ZNF704: variants seen among roughly 807,000 people sequenced by gnomAD.
ZNF704 encodes the protein zinc finger protein 704.
ZNF704 carries 10 observed loss-of-function variants against 44.7 expected under a neutral mutation model. The observed-to-expected ratio is 0.22, with a 90% CI of 0.14 to 0.38. The LOEUF is 0.38. Among genes scored for constraint, ZNF704 ranks in the 10% least tolerant of loss-of-function variants. The probability of loss-of-function intolerance (pLI) is 1.00; values close to 1 mark genes in which losing one functional copy is unlikely to be tolerated. For missense variants in ZNF704, 390 were observed against 545.5 expected (o/e 0.71, Z 2.84); for synonymous variants, 211 against 207.6 (o/e 1.02, Z -0.14).
At chr8:80,829,250 T>C (rs1415545686) in intron 1 of ZNF704, among the ~76,000 whole-genome samples, 1 of 152,202 alleles carries the variant, frequency 6.6e-6, no homozygotes, top group East Asian at 1.9e-4. Flanking sequence ...AGGACAAGTA[T>C]GTTAAACATC....
At chr8:80,677,168 C>T (rs929845212) in intron 4 of ZNF704, among the ~76,000 whole-genome samples, 1 of 152,126 alleles carries the variant, frequency 6.6e-6, no homozygotes, top group Non-Finnish European at 1.5e-5. Flanking sequence ...AATTATTGTA[C>T]GACATATAAA....
intron 2 of ZNF704, among the ~76,000 whole-genome samples, chr8:80,796,610 C>G (rs1807804964): frequency 6.6e-6 from 1 of 152,168 alleles, no homozygotes; most frequent in Non-Finnish European, 1.5e-5. Context: ...AGGATCAACT[C>G]AAAAGTCCAA....
At chr8:80,759,855 C>T (rs1168457229) in intron 2 of ZNF704, among the ~76,000 whole-genome samples, 1 of 151,992 alleles carries the variant, frequency 6.6e-6, no homozygotes, top group Non-Finnish European at 1.5e-5. Flanking sequence ...TCCTGGTTTC[C>T]ATCAGTCCTC....
chr8:80,647,389 G>A (rs1386132655), intron 7 of ZNF704, among the ~76,000 whole-genome samples: 1 of 152,200 alleles, frequency 6.6e-6, no homozygotes, highest in Non-Finnish European at 1.5e-5. Flanking sequence ...GAAGTATCAA[G>A]CTATGCCTCT....
At position 80,874,544 on chromosome 8, in the gene ZNF704, C is replaced by G. The variant is rs1372698014; in HGVS notation, c.-22+27G>C. 1.3e-5 allele frequency: 2 copies of G among 152,042 alleles called. No homozygotes were observed. Among genetic ancestry groups the G allele is most frequent in the African/African-American group, 2.4e-5 (1 of 41,420 alleles). 9.4% of individuals were successfully genotyped at this position (152,042 alleles called of 1,614,324 possible). A position where few individuals can be genotyped will look rare whatever the true frequency, so the allele number is the denominator to read the frequency against. On this transcript the variant is annotated intron_variant, in intron 1 of 8. Coordinates refer to ENST00000327835, the MANE Select transcript of ZNF704 (RefSeq NM_001033723.3). This position sits in a 1 kb window ranked among gnomAD's most constrained non-coding sequence, Gnocchi z 4.4. ...TCCGGTCCCCCCGCTCAGACAAAAC[C>G]CGGACTGGATTTTTTTTTTCTCTTA...
intron 4 of ZNF704, among the ~76,000 whole-genome samples, chr8:80,677,608 A>T (rs1302880303): frequency 1.3e-5 from 2 of 152,202 alleles, no homozygotes; most frequent in Non-Finnish European, 1.5e-5. Flanking sequence ...CCCAAAGAAA[A>T]TTAGGTAATG....
At chr8:80,738,715 T>G (rs1806706927) in intron 2 of ZNF704, among the ~76,000 whole-genome samples, 1 of 152,218 alleles carries the variant, frequency 6.6e-6, no homozygotes, top group Non-Finnish European at 1.5e-5. Flanking sequence ...GGTATCTTGT[T>G]GAATATTGTT....
chr8:80,821,656 TC>T, intron 1 of ZNF704, 41 bp from the exon 2 acceptor site: 1 of 1,515,208 alleles, frequency 6.6e-7, no homozygotes, highest in Non-Finnish European at 9.1e-7. Flanking sequence ...ACATAAAACA[TC>T]ACCTTTGTAC....
chr8:80,641,108 G>T lies in ZNF704; in HGVS notation c.*258C>A. 1 of 275,462 alleles carries T rather than the reference G, an allele frequency of 3.6e-6. No individual in the cohort carries two copies. The allele number at this position is 275,462 out of a possible 1,614,324, so 17.1% of individuals were successfully genotyped here. ...GTCTAGACATACAGCAAAAAAAGTT[G>T]ACTTTTCTTTTGAAGGAAAAAAAAC... is the stretch of plus-strand genomic sequence containing the variant. On this transcript the variant is annotated 3_prime_UTR_variant, in exon 9 of 9. Coordinates refer to ENST00000327835, the MANE Select transcript of ZNF704 (RefSeq NM_001033723.3).
intron 2 of ZNF704, among the ~76,000 whole-genome samples, chr8:80,728,761 T>C (rs1448757319): frequency 6.6e-6 from 1 of 152,214 alleles, no homozygotes; most frequent in African/African-American, 2.4e-5. Flanking sequence ...TAAATCTGAA[T>C]CTGAATTGTG....
At chr8:80,859,527 G>A (rs949617877) in intron 1 of ZNF704, among the ~76,000 whole-genome samples, 4 of 152,160 alleles carry the variant, frequency 2.6e-5, no homozygotes, top group African/African-American at 9.7e-5. Context: ...GCCTTAACCT[G>A]AATGATGGCT....
intron 7 of ZNF704, 27 bp from the exon 8 acceptor site, chr8:80,643,156 G>T: frequency 6.4e-7 from 1 of 1,560,644 alleles, no homozygotes; most frequent in Non-Finnish European, 8.7e-7. Context: ...AAAGAAAGTT[G>T]ATGGGGCAGG....
At chr8:80,825,279 GTC>G (rs1472371042) in intron 1 of ZNF704, among the ~76,000 whole-genome samples, 1 of 152,128 alleles carries the variant, frequency 6.6e-6, no homozygotes, top group East Asian at 1.9e-4. Flanking sequence ...TGCAATCCTA[GTC>G]TCTGATAAAA....
At chr8:80,806,522 T>C (rs951205277) in intron 2 of ZNF704, among the ~76,000 whole-genome samples, 2 of 152,186 alleles carry the variant, frequency 1.3e-5, no homozygotes, top group African/African-American at 4.8e-5. Context: ...GTAATTATAT[T>C]ACTCAGAGTC....
At chr8:80,703,624 G>A (rs78405009) in intron 2 of ZNF704, among the ~76,000 whole-genome samples, 2 of 152,176 alleles carry the variant, frequency 1.3e-5, no homozygotes, top group East Asian at 1.9e-4. Flanking sequence ...ACAGGCAAAC[G>A]CCACCATGCC....
At chr8:80,757,382 TAAAGA>T (rs1164447657) in intron 2 of ZNF704, among the ~76,000 whole-genome samples, 2 of 152,008 alleles carry the variant, frequency 1.3e-5, no homozygotes, top group African/African-American at 2.4e-5. Context: ...AATAAGGACG[TAAAGA>T]AAATATTTTG....
At chr8:80,678,024 C>T (rs1244979567) in intron 4 of ZNF704, among the ~76,000 whole-genome samples, 1 of 152,186 alleles carries the variant, frequency 6.6e-6, no homozygotes, top group Admixed American at 6.5e-5. Context: ...TTTCTCTTCA[C>T]TTTATATCGT....
intron 2 of ZNF704, among the ~76,000 whole-genome samples, chr8:80,735,944 G>A (rs537538063): frequency 3.0e-4 from 46 of 152,240 alleles, no homozygotes; most frequent in Non-Finnish European, 5.7e-4. Context: ...ATATAAACAG[G>A]AAGGAAGGAA....
intron 2 of ZNF704, among the ~76,000 whole-genome samples, chr8:80,765,176 T>C (rs1056815604): frequency 1.6e-4 from 24 of 152,144 alleles, no homozygotes; most frequent in African/African-American, 5.8e-4. Context: ...CAAAGGCTGG[T>C]GAGCCTAATG....
Sources: allele counts gnomAD v4.1 joint callset (sites outside exome capture counted in the v4.1 genomes callset), GRCh38; gene constraint gnomAD v4.1.1; non-coding constraint Gnocchi (gnomAD v3.1); transcripts MANE v1.5; gene names NCBI Gene and HGNC (gene_info 2026-07-23, HGNC 2026-07-21).